The following GPC1 variants were observed in gnomAD, a reference collection of about 807,000 sequenced individuals.
The protein encoded by GPC1 is glypican-1.
GPC1 carries 26 observed loss-of-function variants against 51.5 expected under a neutral mutation model. That is an observed-to-expected ratio of 0.50 (90% CI 0.37 to 0.70). The LOEUF (loss-of-function observed/expected upper bound fraction) is 0.70. GPC1 is among the 30% of genes least tolerant of loss of function. The pLI is 0.00. For missense variants in GPC1, 775 were observed against 800.5 expected, an observed-to-expected ratio of 0.97 and a Z score of 0.38; for synonymous variants, 380 against 348.3, an observed-to-expected ratio of 1.09 and a Z score of -1.01.
At chr2:240,463,676 A>G in intron 4 of GPC1, 164 bp downstream of exon 4, 1 of 617,722 alleles carries the variant, frequency 1.6e-6, no homozygotes. Context: ...TTGAGGGGCC[A>G]GGGTGCCTTT....
chr2:240,465,990 T>G, intron 8 of GPC1, 68 bp from the exon 9 acceptor site: 1 of 975,696 alleles, frequency 1.0e-6, no homozygotes, highest in Non-Finnish European at 1.6e-6. Context: ...GCACGGGCCC[T>G]TACAGGGTGG....
At chr2:240,455,001 G>A in intron 1 of GPC1, 2 of 218,370 alleles carry the variant, frequency 9.2e-6, no homozygotes, top group Non-Finnish European at 2.1e-5. Context: ...AGCAGGGGAC[G>A]AGAATGCATG....
At position 240,451,202 on chromosome 2, in the gene GPC1, C is replaced by A. The variant is rs529593246; in HGVS notation, c.167-7828C>A. On this transcript the variant is annotated intron_variant, in intron 1 of 8. Transcript: ENST00000264039. The stretch of plus-strand genomic sequence containing the variant: ...GCACCCAAGGGTTTGCTCTGGGATC[C>A]GGCCCAGCCTCAGCTGTATGTGTGT... 8 of 471,076 alleles carry A rather than the reference C, an allele frequency of 1.7e-5. No homozygotes were observed. The Admixed American group carries it at 1.9e-4, about 11-fold the overall frequency. The allele number at this position is 471,076 out of a possible 1,614,324, so 29.2% of individuals were successfully genotyped here.
chr2:240,446,290 C>T (rs2074050212), intron 1 of GPC1, among the ~76,000 whole-genome samples: 1 of 152,266 alleles, frequency 6.6e-6, no homozygotes, highest in Non-Finnish European at 1.5e-5. Context: ...TCCTCTGCAT[C>T]ATTGGAGGCT....
At chr2:240,441,750 CG>C (rs1319623527) in intron 1 of GPC1, among the ~76,000 whole-genome samples, 1 of 152,194 alleles carries the variant, frequency 6.6e-6, no homozygotes, top group Non-Finnish European at 1.5e-5. Flanking sequence ...AGTCTCCTGA[CG>C]GGGTGGGGGG....
chr2:240,452,821 C>G (rs968858495), intron 1 of GPC1: 1 of 163,432 alleles, frequency 6.1e-6, no homozygotes, highest in East Asian at 1.8e-4. Context: ...CGCGCCAGTG[C>G]GGCTGCGGCG....
intron 1 of GPC1, chr2:240,449,868 C>A (rs565564054): frequency 1.5e-5 from 7 of 470,800 alleles, no homozygotes; most frequent in Admixed American, 1.4e-4. Flanking sequence ...CACGCCGGAG[C>A]ATGTGTCAGA....
rs1395090609 is a variant in GPC1 at position 240,466,363 on chromosome 2, C to T, written c.*73C>T. On this transcript the variant is annotated 3_prime_UTR_variant, in exon 9 of 9. Coordinates refer to ENST00000264039, the MANE Select transcript of GPC1 (RefSeq NM_002081.3). ...AATACAACACAGACGATATTTAATT[C>T]ACCTCAGCCTGGAGAGGCCTGGGGT... The T allele has an allele frequency of 5.7e-6, 5 of 880,208 alleles. No homozygotes were observed. Among genetic ancestry groups the T allele is most frequent in the Non-Finnish European group, 1.8e-6 (1 of 545,312 alleles). The allele number at this position is 880,208 out of a possible 1,614,324, so 54.5% of individuals were successfully genotyped here.
At chr2:240,437,448 C>T (rs1009088951) in intron 1 of GPC1, among the ~76,000 whole-genome samples, 3 of 152,140 alleles carry the variant, frequency 2.0e-5, no homozygotes, top group Admixed American at 2.0e-4. Context: ...TCTCCCGATG[C>T]CCTCCCCACC....
At position 240,447,124 on chromosome 2, in the gene GPC1, G is replaced by A. The variant is rs116341633; in HGVS notation, c.166+11040G>A. On this transcript the variant is annotated intron_variant, in intron 1 of 8. Transcript: ENST00000264039. ...GGCAGTGAGTGGGCCAGGCAGAGAC[G>A]GGGCTGGGGGCTTGGTAGGCAGGGT... 7.5e-3 allele frequency among the ~76,000 whole-genome samples: 1,148 copies of A among 152,202 alleles called. 14 individuals are homozygous for A. The highest frequency in any genetic ancestry group is 0.027 in the African/African-American group (1,101 of 41,494).
At chr2:240,464,561 AC>A in intron 4 of GPC1, 54 bp from the exon 5 acceptor site, 1 of 300,490 alleles carries the variant, frequency 3.3e-6, no homozygotes, top group Non-Finnish European at 4.8e-6. Flanking sequence ...GTGCGTGTCA[AC>A]GCCTGTGTGC....
chr2:240,447,394 G>A (rs989863201), intron 1 of GPC1, among the ~76,000 whole-genome samples: 12 of 152,202 alleles, frequency 7.9e-5, no homozygotes, highest in African/African-American at 2.2e-4. Context: ...AAGGCTCAGC[G>A]CCGTGAGGAG....
rs972722842 is a variant in GPC1 at position 240,454,004 on chromosome 2, G to A, written c.167-5026G>A. ...CGGTTTCGGGTCGCAGTGCGCGGCGGAGGTTCTGCGGCGGCGGAGGGGCTC... is the reference window on the plus strand; with the variant it reads ...CGGTTTCGGGTCGCAGTGCGCGGCGAAGGTTCTGCGGCGGCGGAGGGGCTC... On this transcript the variant is annotated intron_variant, in intron 1 of 8. Transcript: ENST00000264039. 5.9e-5 allele frequency among the ~76,000 whole-genome samples: 9 copies of A among 152,264 alleles called. No individual in the cohort carries two copies. The South Asian group carries it at 8.3e-4, about 14-fold the overall frequency.
Position 240,463,505 on chromosome 2 carries a change from C to G in GPC1, c.876C>G (p.Asn292Lys), listed in dbSNP as rs1160553844. ...CCGACCTGGACGCCGAGTGGAGGAA[C>G]CTCCTGGGTGAGCCCCCACCCGCGA... ...NQADLDAEWR[N>K]LLDSMVLITD... is the part of the protein sequence containing the mutation. Residue 292 changes from asparagine to lysine, a missense_variant, in exon 4 of 9, where the codon AAC becomes AAG. Physicochemically the swap from Asn to Lys is moderately conservative, Grantham distance 94 (BLOSUM62 0). Transcript: ENST00000264039. The G allele has an allele frequency of 6.2e-7, 1 of 1,612,726 alleles. No homozygotes were observed. The highest frequency in any genetic ancestry group is 2.2e-5 in the East Asian group (1 of 44,870).
intron 7 of GPC1, 34 bp downstream of exon 7, chr2:240,465,244 C>T: frequency 6.4e-7 from 1 of 1,574,758 alleles, no homozygotes; most frequent in Non-Finnish European, 8.6e-7. Context: ...AGCCCTCCCT[C>T]CCATGCCGCC....
At chr2:240,441,232 G>A (rs1319271346) in intron 1 of GPC1, among the ~76,000 whole-genome samples, 4 of 152,264 alleles carry the variant, frequency 2.6e-5, no homozygotes, top group Non-Finnish European at 4.4e-5. Context: ...AGAGCTTAGT[G>A]GGTGTCTGAG....
Position 240,464,830 on chromosome 2 carries a change from C to T in GPC1, c.1015-26C>T, listed in dbSNP as rs965922021. On this transcript the variant is annotated intron_variant, in intron 5 of 8. Transcript: ENST00000264039. ...TGGGCTTGAGGGGCCCCACTACCCCCCAAGGACCCTGCAGTGTCTCTCCAG... is the reference window on the plus strand; with the variant it reads ...TGGGCTTGAGGGGCCCCACTACCCCTCAAGGACCCTGCAGTGTCTCTCCAG... 9.0e-6 allele frequency: 14 copies of T among 1,562,680 alleles called. No homozygotes were observed. The African/African-American group carries it at 1.8e-4, about 20-fold the overall frequency.
chr2:240,463,854 C>T (rs1559203139), intron 4 of GPC1: 1 of 325,408 alleles, frequency 3.1e-6, no homozygotes, highest in Non-Finnish European at 5.7e-6. Context: ...ATACATGCAC[C>T]GTCACATGAC....
rs780248889 is a variant in GPC1, at chr2:240,465,490, T to C, written c.1286T>C (p.Met429Thr). Residue 429 changes from methionine (M) to threonine (T), a missense_variant, in exon 8 of 9, where the codon ATG becomes ACG. Physicochemically the swap from Met to Thr is moderately conservative, Grantham distance 81. Coordinates refer to ENST00000264039, the MANE Select transcript of GPC1 (RefSeq NM_002081.3). ...MARGRYLPEV[M>T]GDGLANQINN... is the part of the protein sequence containing the mutation. ...TCCCCCAGGTACCTCCCCGAGGTCA[T>C]GGGTGACGGCCTGGCCAACCAGATC... The C allele has an allele frequency of 7.4e-6, 12 of 1,612,938 alleles. No homozygotes were observed. In the Admixed American group the frequency reaches 1.2e-4, roughly 16 times the overall value.
Sources: gnomAD v4.1 joint callset for allele counts (sites outside exome capture counted in the v4.1 genomes callset) on GRCh38, gnomAD v4.1.1 for gene constraint, MANE v1.5 for transcripts, NCBI Gene and HGNC (gene_info 2026-07-23, HGNC 2026-07-21) for gene names.